CSMD1: variants seen among roughly 807,000 people sequenced by gnomAD.
CSMD1 encodes the protein CUB and Sushi multiple domains 1.
In CSMD1, 213 loss-of-function variants were observed where a neutral mutation model predicts 417.5. That is an observed-to-expected ratio of 0.51 (90% CI 0.46 to 0.57). CSMD1 has a LOEUF of 0.57. CSMD1 is among the 20% of genes least tolerant of loss of function. CSMD1 has a pLI of 0.00. For missense variants in CSMD1, 6,923 were observed against 4,529.7 expected (o/e 1.53, Z -15.17); for synonymous variants, 2,862 against 1,736.8 (o/e 1.65, Z -16.11).
rs960015953 is a variant in CSMD1 at position 3,974,187 on chromosome 8, T to G, written c.818+23716A>C. Among the ~76,000 whole-genome samples the G allele has an allele frequency of 9.6e-4, 146 of 152,244 alleles. 1 individual carries two copies. Among genetic ancestry groups the G allele is most frequent in the African/African-American group, 3.1e-3 (127 of 41,574 alleles). ...ACTCGCACACACCCCCACAGTTTAT[T>G]AGCTGAAAGATCAAAGCCAGGAAAC... On this transcript the variant is annotated intron_variant, in intron 5 of 69. Coordinates refer to ENST00000635120, the MANE Select transcript of CSMD1 (RefSeq NM_033225.6).
chr8:4,383,902 A>G (rs954531151), intron 3 of CSMD1, among the ~76,000 whole-genome samples: 8 of 152,354 alleles, frequency 5.3e-5, no homozygotes, highest in South Asian at 2.1e-4. Flanking sequence ...TTAGATACTC[A>G]TAAATGTTTA....
intron 2 of CSMD1, among the ~76,000 whole-genome samples, chr8:4,627,495 T>A (rs1196687452): frequency 6.6e-6 from 1 of 152,210 alleles, no homozygotes; most frequent in Non-Finnish European, 1.5e-5. Context: ...TGACACTTTC[T>A]TTTCTCAGAA....
At chr8:3,317,947 A>G (rs1471521176) in intron 23 of CSMD1, among the ~76,000 whole-genome samples, 1 of 152,136 alleles carries the variant, frequency 6.6e-6, no homozygotes, top group East Asian at 1.9e-4. Context: ...AGTAGCTGGG[A>G]CCACAGATGT....
At chr8:3,889,242 A>T (rs1208602156) in intron 5 of CSMD1, among the ~76,000 whole-genome samples, 1 of 151,790 alleles carries the variant, frequency 6.6e-6, no homozygotes, top group African/African-American at 2.4e-5. Flanking sequence ...ATAATGATAA[A>T]TTAAAGAGAG....
intron 1 of CSMD1, among the ~76,000 whole-genome samples, chr8:4,949,323 G>C (rs1585390245): frequency 2.6e-5 from 4 of 151,922 alleles, no homozygotes; most frequent in Admixed American, 2.6e-4. Flanking sequence ...AAGTTATTTT[G>C]GCCTCATTAA....
At chr8:3,108,123 A>T (rs111662257) in intron 44 of CSMD1, among the ~76,000 whole-genome samples, 2 of 152,226 alleles carry the variant, frequency 1.3e-5, no homozygotes, top group African/African-American at 4.8e-5. Context: ...CCATGTGCAG[A>T]TTTGATAACG....
chr8:4,626,641 C>G (rs1386677869), intron 2 of CSMD1, among the ~76,000 whole-genome samples: 2 of 152,068 alleles, frequency 1.3e-5, no homozygotes, highest in Non-Finnish European at 2.9e-5. Flanking sequence ...GGGCAGGGCG[C>G]CAGCTTGATT....
intron 7 of CSMD1, among the ~76,000 whole-genome samples, chr8:3,692,761 G>C (rs1343849972): frequency 6.6e-6 from 1 of 152,140 alleles, no homozygotes; most frequent in Non-Finnish European, 1.5e-5. Context: ...GAACTTTTCT[G>C]AGGCCCATGT....
chr8:4,353,995 G>A (rs564882797), intron 3 of CSMD1, among the ~76,000 whole-genome samples: 80 of 152,258 alleles, frequency 5.3e-4, no homozygotes, highest in Middle Eastern at 6.8e-3. Flanking sequence ...CCTAACACCT[G>A]CGTGGTTGTT....
At chr8:3,227,443 C>G (rs113516032) in intron 27 of CSMD1, among the ~76,000 whole-genome samples, 1 of 151,966 alleles carries the variant, frequency 6.6e-6, no homozygotes, top group African/African-American at 2.4e-5. Flanking sequence ...GAGAAATATG[C>G]GAGTTTGTAG....
intron 49 of CSMD1, among the ~76,000 whole-genome samples, chr8:3,083,498 G>T (rs932857689): frequency 2.0e-4 from 29 of 146,866 alleles, no homozygotes; most frequent in Admixed American, 3.4e-4. Flanking sequence ...GTCATCAAAG[G>T]GTCCTATTTG....
chr8:3,667,601 G>C (rs180841647), intron 7 of CSMD1, among the ~76,000 whole-genome samples: 1 of 152,156 alleles, frequency 6.6e-6, no homozygotes, highest in African/African-American at 2.4e-5. Context: ...AGATGATTTT[G>C]TGAGTGACAG....
rs150780859 is a variant in CSMD1 at position 4,791,966 on chromosome 8, T to G, written c.86-154408A>C. 2.4e-4 allele frequency among the ~76,000 whole-genome samples: 37 copies of G among 152,318 alleles called. No homozygotes were observed. In the East Asian group the frequency reaches 7.0e-3, roughly 29 times the overall value. Reference sequence around the variant, plus strand: ...TTTCCTTTTTTTTTAAATACAAGATTGTTTATCCAAGTGTCCTTTATAGTG... The same window carrying G: ...TTTCCTTTTTTTTTAAATACAAGATGGTTTATCCAAGTGTCCTTTATAGTG... On this transcript the variant is annotated intron_variant, in intron 1 of 69. Transcript: ENST00000635120.
In CSMD1 at chr8:3,018,608, T is replaced by G; in HGVS notation, c.7898A>C (p.Lys2633Thr). Residue 2633 changes from lysine to threonine, a missense_variant, in exon 52 of 70, where the codon AAG (lysine) becomes ACG (threonine). Transcript: ENST00000635120. ...GSLSFPPNGN[K>T]IGTLTVYGAT... is the part of the protein sequence containing the mutation. The stretch of plus-strand genomic sequence containing the variant: ...CCCATAAACTGTCAACGTTCCAATC[T>G]TGTTGCCATTTGGGGGAAAGGAAAG... 1.2e-6 allele frequency: 2 copies of G among 1,613,098 alleles called. No homozygotes were observed.
At chr8:4,604,855 C>G (rs1800785049) in intron 2 of CSMD1, among the ~76,000 whole-genome samples, 1 of 152,188 alleles carries the variant, frequency 6.6e-6, no homozygotes, top group Non-Finnish European at 1.5e-5. Flanking sequence ...ACTCTGATAG[C>G]AAAAGGTAAT....
chr8:4,301,673 G>C (rs575020934), intron 3 of CSMD1, among the ~76,000 whole-genome samples: 1 of 152,216 alleles, frequency 6.6e-6, no homozygotes, highest in African/African-American at 2.4e-5. Flanking sequence ...CTTCAATTAG[G>C]GCATGGACCA....
At chr8:3,983,232 G>A (rs904535839) in intron 5 of CSMD1, among the ~76,000 whole-genome samples, 177 of 148,850 alleles carry the variant, frequency 1.2e-3, no homozygotes, top group African/African-American at 4.3e-3. Context: ...CCGGGTTCAC[G>A]CCATTCTCCT....
At chr8:4,091,136 C>G (rs1410689349) in intron 3 of CSMD1, among the ~76,000 whole-genome samples, 2 of 152,030 alleles carry the variant, frequency 1.3e-5, no homozygotes, top group Admixed American at 6.6e-5. Flanking sequence ...CCAGGCTGGT[C>G]TCGAATTCCT....
At chr8:4,014,188 T>G (rs913300098) in intron 4 of CSMD1, among the ~76,000 whole-genome samples, 1 of 152,194 alleles carries the variant, frequency 6.6e-6, no homozygotes, top group Non-Finnish European at 1.5e-5. Context: ...TCATTAAGTT[T>G]GCAAAGCATA....
Sources: allele counts gnomAD v4.1 joint callset (sites outside exome capture counted in the v4.1 genomes callset), GRCh38; gene constraint gnomAD v4.1.1; transcripts MANE v1.5; gene names NCBI Gene and HGNC (gene_info 2026-07-23, HGNC 2026-07-21).